BICDL2: variants seen among roughly 807,000 people sequenced by gnomAD.
BICDL2 encodes BICD family-like cargo adapter 2.
Under a neutral mutation model 56.6 loss-of-function variants are expected in BICDL2, and 62 were observed. That is an observed-to-expected ratio of 1.10 (90% CI 0.89 to 1.35). The LOEUF (loss-of-function observed/expected upper bound fraction) is 1.35. Among genes scored for constraint, BICDL2 ranks in the 40% most tolerant of loss-of-function variants. The pLI is 0.00. For synonymous variants in BICDL2, 358 were observed against 319.8 expected, an observed-to-expected ratio of 1.12 and a Z score of -1.27; for missense variants, 808 against 684.5, an observed-to-expected ratio of 1.18 and a Z score of -2.01.
intron 2 of BICDL2, 34 bp from the exon 3 acceptor site, chr16:3,031,184 G>C: frequency 1.3e-6 from 2 of 1,521,492 alleles, no homozygotes; most frequent in Non-Finnish European, 8.8e-7. Flanking sequence ...CAGAGGCAGA[G>C]AGGCACCGAT....
At chr16:3,030,365 C>A in intron 5 of BICDL2, 84 bp downstream of exon 5, 1 of 1,493,544 alleles carries the variant, frequency 6.7e-7, no homozygotes, top group Non-Finnish European at 9.0e-7. Flanking sequence ...TCCCAGTGAT[C>A]CAGCTCCGGC....
chr16:3,028,630 C>G, intron 8 of BICDL2, 70 bp downstream of exon 8: 1 of 1,531,502 alleles, frequency 6.5e-7, no homozygotes, highest in Non-Finnish European at 8.8e-7. Context: ...TAACCCGTAT[C>G]AGAAGAGGAA....
chr16:3,028,855 G>A (rs1443386418), intron 7 of BICDL2, 25 bp from the exon 8 acceptor site: 1 of 1,528,890 alleles, frequency 6.5e-7, no homozygotes, highest in Non-Finnish European at 8.8e-7. Flanking sequence ...GGGGGGCCGT[G>A]CGGCAGATGG....
chr16:3,034,578 G>A (rs118170901), intron 2 of BICDL2, among the ~76,000 whole-genome samples: 1,940 of 152,010 alleles, frequency 0.013, 18 homozygotes, highest in Non-Finnish European at 0.02. Context: ...CACCATGCCT[G>A]GCCTGAATCC....
At chr16:3,035,854 C>T (rs1038105488) in intron 1 of BICDL2, 20 of 334,444 alleles carry the variant, frequency 6.0e-5, no homozygotes, top group African/African-American at 4.3e-4. Context: ...AGCAGTTTGG[C>T]TTGTAGCCCC....
chr16:3,029,761 G>T (rs1037366651), intron 5 of BICDL2, 22 bp from the exon 6 acceptor site: 4 of 1,455,610 alleles, frequency 2.7e-6, no homozygotes, highest in Non-Finnish European at 3.6e-6. Flanking sequence ...CCCGCAGACG[G>T]AAGCGCGGGC....
chr16:3,035,559 G>A, intron 1 of BICDL2, 33 bp from the exon 2 acceptor site: 1 of 1,526,730 alleles, frequency 6.5e-7, no homozygotes, highest in Non-Finnish European at 8.8e-7. Flanking sequence ...GCCTGACAGG[G>A]GCTCACCCTC....
chr16:3,031,275 C>T lies in BICDL2; in HGVS notation c.283-125G>A, dbSNP rs140040938. 3.9e-3 allele frequency: 3,083 copies of T among 791,770 alleles called. 69 individuals are homozygous for T. In the African/African-American group the frequency reaches 0.039, roughly 10 times the overall value. 49.0% of individuals were successfully genotyped at this position (791,770 alleles called of 1,614,324 possible). ...GCCTAAGGGGGCCTTGTGTCCAAGA[C>T]AGACACAAAAGCAAGGGAGAGTGAG... On this transcript the variant is annotated intron_variant, in intron 2 of 9. Coordinates refer to ENST00000572449, the MANE Select transcript of BICDL2 (RefSeq NM_001369667.1).
chr16:3,031,860 AT>A (rs1955661282), intron 2 of BICDL2: 2 of 260,666 alleles, frequency 7.7e-6, no homozygotes, highest in South Asian at 3.4e-4. Context: ...GGGTTTACAG[AT>A]GGAACAAGCT....
At chr16:3,028,300 G>T in intron 9 of BICDL2, 27 bp from the exon 10 acceptor site, 1 of 1,525,300 alleles carries the variant, frequency 6.6e-7, no homozygotes, top group Non-Finnish European at 8.7e-7. Flanking sequence ...TCGGCTCAGC[G>T]CCGGTCCCGC....
chr16:3,033,247 GT>G (rs1955681451), intron 2 of BICDL2, among the ~76,000 whole-genome samples: 1 of 152,214 alleles, frequency 6.6e-6, no homozygotes, highest in South Asian at 2.1e-4. Context: ...AGAGGCTGCA[GT>G]GAGCCAAGAT....
Position 3,028,474 on chromosome 16 carries a change from C to A in BICDL2, c.1239-6G>T, listed in dbSNP as rs775138858. ...GCAGGGACAGCTCCAGGGCCCTAGG[C>A]GGGCAGGAGCAGAAGACGCGTTTGA... On this transcript the variant is annotated splice_polypyrimidine_tract_variant and splice_region_variant and intron_variant, in intron 8 of 9. Transcript: ENST00000572449. The A allele has an allele frequency of 6.4e-7, 1 of 1,571,012 alleles. No homozygotes were observed. Among genetic ancestry groups the A allele is most frequent in the Non-Finnish European group, 8.6e-7 (1 of 1,167,356 alleles).
chr16:3,036,640 C>A, intron 1 of BICDL2: 1 of 451,408 alleles, frequency 2.2e-6, no homozygotes, highest in Non-Finnish European at 4.4e-6. Flanking sequence ...GAGACAGGGA[C>A]CTGGAGACCG....
chr16:3,034,247 A>G (rs566849927), intron 2 of BICDL2, among the ~76,000 whole-genome samples: 1 of 152,310 alleles, frequency 6.6e-6, no homozygotes, highest in Non-Finnish European at 1.5e-5. Flanking sequence ...CAGCTGACCC[A>G]GGGTCACACA....
chr16:3,030,268 A>G, intron 5 of BICDL2, 181 bp downstream of exon 5: 1 of 750,768 alleles, frequency 1.3e-6, no homozygotes, highest in South Asian at 1.9e-5. Flanking sequence ...GCACTCTAAG[A>G]GCATGCCTCA....
chr16:3,035,185 A>ACCCCCCC, intron 2 of BICDL2, 30 bp downstream of exon 2: 2 of 41,126 alleles, frequency 4.9e-5, no homozygotes, highest in Non-Finnish European at 8.6e-5. Flanking sequence ...CTGCCCACCC[A>ACCCCCCC]CCCACCCACC....
Position 3,029,291 on chromosome 16 carries a change from G to A in BICDL2, c.1096C>T (p.Leu366=). ...GCCCTCTGCCCCACCTCATCTTGCA[G>A]CTTGGCCACTTCCACCTCCTTCTCC... ...LEEKEVEVAK[L]QDEISLQQAE... The change falls in exon 7 of 10, where the codon CTG becomes TTG. Residue 366 remains leucine (L), a synonymous_variant. Coordinates refer to ENST00000572449, the MANE Select transcript of BICDL2 (RefSeq NM_001369667.1). The A allele has an allele frequency of 6.2e-7, 1 of 1,611,440 alleles. No individual in the cohort carries two copies. The highest frequency in any genetic ancestry group is 1.3e-5 in the African/African-American group (1 of 74,968).
chr16:3,034,702 C>T (rs1216635877), intron 2 of BICDL2, among the ~76,000 whole-genome samples: 2 of 145,586 alleles, frequency 1.4e-5, no homozygotes, highest in Non-Finnish European at 3.0e-5. Context: ...CCCCTTCCTT[C>T]CTTCCTTCCT....
Position 3,035,345 on chromosome 16 carries a change from GC to G in BICDL2, c.151del (p.Ala51ProfsTer35). The G allele has an allele frequency of 6.3e-7, 1 of 1,599,698 alleles. No individual in the cohort carries two copies. The highest frequency in any genetic ancestry group is 8.5e-7 in the Non-Finnish European group (1 of 1,173,736). On this transcript the variant is annotated frameshift_variant, in exon 2 of 10. Coordinates refer to ENST00000572449, the MANE Select transcript of BICDL2 (RefSeq NM_001369667.1). LOFTEE classifies it high-confidence loss of function. Reference protein sequence around the residue: ...GPGPEEPEDLALQLQQKEKDL... With the variant: ...GPGPEEPEDLXLQLQQKEKDL... The stretch of plus-strand genomic sequence containing the variant: ...TTTCTCCTTCTGCTGCAGCTGCAAG[GC>G]TAGGTCCTCGGGCTCCTCAGGCCCT...
Sources: gnomAD v4.1 joint callset for allele counts (sites outside exome capture counted in the v4.1 genomes callset) on GRCh38, gnomAD v4.1.1 for gene constraint, MANE v1.5 for transcripts, NCBI Gene and HGNC (gene_info 2026-07-23, HGNC 2026-07-21) for gene names.